NEUROD2: variants seen among roughly 807,000 people sequenced by gnomAD.
NEUROD2 encodes neurogenic differentiation factor 2.
In NEUROD2, 5 loss-of-function variants were observed where a neutral mutation model predicts 9.3. That is an observed-to-expected ratio of 0.54 (90% CI 0.28 to 1.13). The LOEUF (loss-of-function observed/expected upper bound fraction) is 1.13. Among genes scored for constraint, NEUROD2 ranks in the 50% most tolerant of loss-of-function variants. The pLI, the probability that NEUROD2 is intolerant of heterozygous loss-of-function variation, is 0.10. For missense variants in NEUROD2, 376 were observed against 549.2 expected, an observed-to-expected ratio of 0.68 and a Z score of 3.15; for synonymous variants, 277 against 257.3, an observed-to-expected ratio of 1.08 and a Z score of -0.73.
In NEUROD2 at chr17:39,604,488, G is replaced by T. The variant is rs1335711024; in HGVS notation, c.*963C>A. The T allele has an allele frequency of 6.6e-6, 1 of 151,908 alleles. No individual in the cohort carries two copies. The highest frequency in any genetic ancestry group is 6.6e-5 in the Admixed American group (1 of 15,252). 9.4% of individuals were successfully genotyped at this position (151,908 alleles called of 1,614,324 possible). On this transcript the variant is annotated 3_prime_UTR_variant, in exon 2 of 2. Transcript: ENST00000302584. ...AACCTGGGGAGGGGGAGGGGGCGGCGCGGGCCCCCACTTCACCAAAGTGCA... is the reference window on the plus strand; with the variant it reads ...AACCTGGGGAGGGGGAGGGGGCGGCTCGGGCCCCCACTTCACCAAAGTGCA...
rs1337257944 is a variant in NEUROD2 at position 39,604,015 on chromosome 17, C to T, written c.*1436G>A. ...CTCCTTTTGCCCCTTTTTGGGGGAACCTCCAGTAGGAGCCCTCAGACCTCT... is the reference window on the plus strand; with the variant it reads ...CTCCTTTTGCCCCTTTTTGGGGGAATCTCCAGTAGGAGCCCTCAGACCTCT... On this transcript the variant is annotated 3_prime_UTR_variant, in exon 2 of 2. Transcript: ENST00000302584. 2.6e-5 allele frequency: 4 copies of T among 152,696 alleles called. No individual in the cohort carries two copies. The highest frequency in any genetic ancestry group is 5.9e-5 in the Non-Finnish European group (4 of 68,030). The allele number at this position is 152,696 out of a possible 1,614,324, so 9.5% of individuals were successfully genotyped here.
rs776964598 is a variant in NEUROD2 at position 39,606,468 on chromosome 17, G to C, written c.132C>G (p.Pro44=). 3 of 1,533,310 alleles carry C rather than the reference G, an allele frequency of 2.0e-6. No homozygotes were observed. Among genetic ancestry groups the C allele is most frequent in the South Asian group, 1.2e-5 (1 of 83,458 alleles). 95.0% of individuals were successfully genotyped at this position (1,533,310 alleles called of 1,614,324 possible). ...GGGCTGGCCCCGGAGCCCCTGGCCC[G>C]GGCGCAGGCGGTGGCGGTGGCGGCG... is the stretch of plus-strand genomic sequence containing the variant. ...GDAPPPPPPA[P]GPGAPGPARA... Residue 44 remains proline, a synonymous_variant, in exon 2 of 2, where the codon CCC becomes CCG. Transcript: ENST00000302584. This position sits in a 1 kb window ranked among gnomAD's most constrained non-coding sequence, Gnocchi z 7.8.
In NEUROD2 at chr17:39,604,755, C is replaced by CATTT; in HGVS notation, c.*695_*696insAAAT. The CATTT allele has an allele frequency of 4.5e-5, 1 of 22,318 alleles. No homozygotes were observed. The highest frequency in any genetic ancestry group is 7.4e-5 in the Non-Finnish European group (1 of 13,476). The allele number at this position is 22,318 out of a possible 1,614,324, so 1.4% of individuals were successfully genotyped here. On this transcript the variant is annotated 3_prime_UTR_variant, in exon 2 of 2. Transcript: ENST00000302584. ...GCGTTCGGCTTCCGTCGCCTCTTAG[C>CATTT]TTTTTTTTTTTTTTTTTTTTTTTTT...
rs950012535 is a variant in NEUROD2, at chr17:39,605,278, G to A, written c.*173C>T. 1 of 815,030 alleles carries A rather than the reference G, an allele frequency of 1.2e-6. No homozygotes were observed. The highest frequency in any genetic ancestry group is 3.2e-5 in the Admixed American group (1 of 31,604). 50.5% of individuals were successfully genotyped at this position (815,030 alleles called of 1,614,324 possible). On this transcript the variant is annotated 3_prime_UTR_variant, in exon 2 of 2. Coordinates refer to ENST00000302584, the MANE Select transcript of NEUROD2 (RefSeq NM_006160.4). The surrounding 1 kb of genome is among the most constrained non-coding windows in gnomAD (Gnocchi z 6.8). ...TCCCCTGGGGGAAGCGAGGCCCCTG[G>A]GACAGGCCACCCACAGGTAACAGGA...
At position 39,606,333 on chromosome 17, in the gene NEUROD2, C is replaced by A; in HGVS notation, c.267G>T (p.Glu89Asp). 1 of 1,595,302 alleles carries A rather than the reference C, an allele frequency of 6.3e-7. No homozygotes were observed. ...LGGEEEEEEE[E>D]EEGLDEAEGE... ...CCTCCGCCTCGTCCAGTCCTTCTTC[C>A]TCCTCCTCTTCCTCCTCCTCCTCTC... The change falls in exon 2 of 2, where the codon GAG (glutamate) becomes GAT (aspartate). Residue 89 changes from glutamate to aspartate, a missense_variant. By Grantham distance (45) the Glu-to-Asp change is conservative. This residue lies in a region of NEUROD2 where 134 missense variants were observed against 133.6 expected (regional missense o/e 1.00). Transcript: ENST00000302584. This position sits in a 1 kb window ranked among gnomAD's most constrained non-coding sequence, Gnocchi z 7.8.
chr17:39,605,151 A>C lies in NEUROD2; in HGVS notation c.*300T>G. The C allele has an allele frequency of 8.8e-5, 24 of 271,542 alleles. No individual in the cohort carries two copies. Among genetic ancestry groups the C allele is most frequent in the East Asian group, 3.3e-4 (5 of 15,252 alleles). The allele number at this position is 271,542 out of a possible 1,614,324, so 16.8% of individuals were successfully genotyped here. ...GGAAACCTCAGCGAAGATATTGGGA[A>C]TGGGGGAGGGGTGCCTCCAGGGAGC... On this transcript the variant is annotated 3_prime_UTR_variant, in exon 2 of 2. Transcript: ENST00000302584. The surrounding 1 kb of genome is among the most constrained non-coding windows in gnomAD (Gnocchi z 6.8).
At position 39,604,251 on chromosome 17, in the gene NEUROD2, CG is replaced by C. The variant is rs1285076244; in HGVS notation, c.*1199del. On this transcript the variant is annotated 3_prime_UTR_variant, in exon 2 of 2. Coordinates refer to ENST00000302584, the MANE Select transcript of NEUROD2 (RefSeq NM_006160.4). The stretch of plus-strand genomic sequence containing the variant: ...GGCGAGCTCACCTCCTTCTGCCCCC[CG>C]GACGCCGGCGCCGGGCCTGCTTGTG... The C allele has an allele frequency of 6.5e-6, 1 of 152,696 alleles. No individual in the cohort carries two copies. Among genetic ancestry groups the C allele is most frequent in the Non-Finnish European group, 1.5e-5 (1 of 68,098 alleles). The allele number at this position is 152,696 out of a possible 1,614,324, so 9.5% of individuals were successfully genotyped here.
In NEUROD2 at chr17:39,604,944, TTC is replaced by T. The variant is rs1460764677; in HGVS notation, c.*505_*506del. The T allele has an allele frequency of 6.6e-6, 1 of 152,394 alleles. No homozygotes were observed. Among genetic ancestry groups the T allele is most frequent in the African/African-American group, 2.4e-5 (1 of 41,426 alleles). The allele number at this position is 152,394 out of a possible 1,614,324, so 9.4% of individuals were successfully genotyped here. A position where few individuals can be genotyped will look rare whatever the true frequency, so the allele number is the denominator to read the frequency against. ...AGACTGGAGGTTGGGGGTGAGGGCG[TTC>T]CAGGCCCGGGCTCCGGCGCCCTAAC... On this transcript the variant is annotated 3_prime_UTR_variant, in exon 2 of 2. Transcript: ENST00000302584.
Position 39,607,734 on chromosome 17 carries a change from G to A in NEUROD2, c.-12C>T, listed in dbSNP as rs2056775770. 1 of 456,480 alleles carries A rather than the reference G, an allele frequency of 2.2e-6. No individual in the cohort carries two copies. The highest frequency in any genetic ancestry group is 9.3e-5 in the South Asian group (1 of 10,718). The allele number at this position is 456,480 out of a possible 1,614,324, so 28.3% of individuals were successfully genotyped here. On this transcript the variant is annotated 5_prime_UTR_variant, in exon 1 of 2. Transcript: ENST00000302584. ...TCCCTTTCGGACAACTTACCTCGGA[G>A]AGGAGTCAAGGGGAGAGGGGAGGGG... is the stretch of plus-strand genomic sequence containing the variant.
Position 39,606,350 on chromosome 17 carries a change from C to T in NEUROD2, c.250G>A (p.Glu84Lys). The T allele has an allele frequency of 6.3e-7, 1 of 1,580,026 alleles. No homozygotes were observed. Among genetic ancestry groups the T allele is most frequent in the Non-Finnish European group, 8.6e-7 (1 of 1,165,862 alleles). The change falls in exon 2 of 2, where the codon GAG (glutamate) becomes AAG (lysine). Residue 84 changes from glutamate to lysine, a missense_variant. Coordinates refer to ENST00000302584, the MANE Select transcript of NEUROD2 (RefSeq NM_006160.4). The surrounding 1 kb of genome is among the most constrained non-coding windows in gnomAD (Gnocchi z 7.8). Reference sequence around the variant, plus strand: ...CCTTCTTCCTCCTCCTCTTCCTCCTCCTCCTCTCCCCCCAGCTCGCCTTCC... The same window carrying T: ...CCTTCTTCCTCCTCCTCTTCCTCCTTCTCCTCTCCCCCCAGCTCGCCTTCC... ...KEEGELGGEE[E>K]EEEEEEEGLD...
chr17:39,605,920 A>C lies in NEUROD2; in HGVS notation c.680T>G (p.Phe227Cys). Residue 227 changes from phenylalanine (F) to cysteine (C), a missense_variant, in exon 2 of 2, where the codon TTC (phenylalanine) becomes TGC (cysteine). Transcript: ENST00000302584. The surrounding 1 kb of genome is among the most constrained non-coding windows in gnomAD (Gnocchi z 6.8). The part of the protein sequence containing the change: ...TEQGADGAGR[F>C]HGSGGPFAMH... ...GGCGAACGGGCCGCCCGAGCCGTGG[A>C]AGCGGCCGGCACCGTCGGCGCCTTG... The C allele has an allele frequency of 6.2e-7, 1 of 1,609,704 alleles. No homozygotes were observed. Among genetic ancestry groups the C allele is most frequent in the Non-Finnish European group, 8.5e-7 (1 of 1,178,712 alleles).
chr17:39,605,840 C>T lies in NEUROD2; in HGVS notation c.760G>A (p.Ala254Thr). Reference sequence around the variant, plus strand: ...GCCGCGCCGCCGCCCAGGCCGCCGGCCGCCTGGCACTGTGCGCCCGCCAGG... The same window carrying T: ...GCCGCGCCGCCGCCCAGGCCGCCGGTCGCCTGGCACTGTGCGCCCGCCAGG... The part of the protein sequence containing the change: ...SRLAGAQCQA[A>T]GGLGGGAAHA... Residue 254 changes from alanine to threonine, a missense_variant, in exon 2 of 2, where the codon GCC becomes ACC. By Grantham distance (58) the Ala-to-Thr change is moderately conservative. This residue lies in a region of NEUROD2 where 193 missense variants were observed against 255.8 expected (regional missense o/e 0.75). Coordinates refer to ENST00000302584, the MANE Select transcript of NEUROD2 (RefSeq NM_006160.4). This position sits in a 1 kb window ranked among gnomAD's most constrained non-coding sequence, Gnocchi z 6.8. 1 of 1,365,766 alleles carries T rather than the reference C, an allele frequency of 7.3e-7. No individual in the cohort carries two copies. Among genetic ancestry groups the T allele is most frequent in the Non-Finnish European group, 9.4e-7 (1 of 1,065,522 alleles). The allele number at this position is 1,365,766 out of a possible 1,614,324, so 84.6% of individuals were successfully genotyped here. A position where few individuals can be genotyped will look rare whatever the true frequency, so the allele number is the denominator to read the frequency against.
rs764343782 is a variant in NEUROD2, at chr17:39,605,760, C to A, written c.840G>T (p.Ala280=). 28 of 1,483,398 alleles carry A rather than the reference C, an allele frequency of 1.9e-5. No homozygotes were observed. Among genetic ancestry groups the A allele is most frequent in the Non-Finnish European group, 2.5e-5 (28 of 1,117,992 alleles). 91.9% of individuals were successfully genotyped at this position (1,483,398 alleles called of 1,614,324 possible). A position where few individuals can be genotyped will look rare whatever the true frequency, so the allele number is the denominator to read the frequency against. ...CCGGGCTCGCGCCGCCACCGCCTGC[C>A]GCCGCATACAGCGTCTCGTAGGCGG... ...YCAAYETLYA[A]AGGGGASPDY... The change falls in exon 2 of 2, where the codon GCG becomes GCT. Residue 280 remains alanine (A), a synonymous_variant. Coordinates refer to ENST00000302584, the MANE Select transcript of NEUROD2 (RefSeq NM_006160.4). This position sits in a 1 kb window ranked among gnomAD's most constrained non-coding sequence, Gnocchi z 6.8.
chr17:39,606,695 A>C lies in NEUROD2; in HGVS notation c.-5-91T>G, dbSNP rs1408822962. The C allele has an allele frequency of 3.9e-6, 5 of 1,289,810 alleles. No homozygotes were observed. Among genetic ancestry groups the C allele is most frequent in the Non-Finnish European group, 4.1e-6 (4 of 982,586 alleles). The allele number at this position is 1,289,810 out of a possible 1,614,324, so 79.9% of individuals were successfully genotyped here. On this transcript the variant is annotated intron_variant, in intron 1 of 1. Transcript: ENST00000302584. This position sits in a 1 kb window ranked among gnomAD's most constrained non-coding sequence, Gnocchi z 7.8. ...CGACGCCCCCCCACAACCCTCCTCCACCCCCGAGTCTCGTGCGGGCTCCTG... is the reference window on the plus strand; with the variant it reads ...CGACGCCCCCCCACAACCCTCCTCCCCCCCCGAGTCTCGTGCGGGCTCCTG...
rs959009397 is a variant in NEUROD2, at chr17:39,604,553, G to A, written c.*898C>T. 2 of 151,910 alleles carry A rather than the reference G, an allele frequency of 1.3e-5. No individual in the cohort carries two copies. Among genetic ancestry groups the A allele is most frequent in the Non-Finnish European group, 2.9e-5 (2 of 67,918 alleles). 9.4% of individuals were successfully genotyped at this position (151,910 alleles called of 1,614,324 possible). On this transcript the variant is annotated 3_prime_UTR_variant, in exon 2 of 2. Coordinates refer to ENST00000302584, the MANE Select transcript of NEUROD2 (RefSeq NM_006160.4). ...GGCGGGGCGGCCCGCAGGCCGGGCGGGGCATCCCGGGGCCGGGCCGGGCCG... is the reference window on the plus strand; with the variant it reads ...GGCGGGGCGGCCCGCAGGCCGGGCGAGGCATCCCGGGGCCGGGCCGGGCCG...
In NEUROD2 at chr17:39,605,862, C is replaced by G; in HGVS notation, c.738G>C (p.Leu246=). 6.6e-7 allele frequency: 1 copy of G among 1,523,518 alleles called. No individual in the cohort carries two copies. The highest frequency in any genetic ancestry group is 8.8e-7 in the Non-Finnish European group (1 of 1,140,998). 94.4% of individuals were successfully genotyped at this position (1,523,518 alleles called of 1,614,324 possible). The change falls in exon 2 of 2, where the codon CTG becomes CTC. Residue 246 remains leucine (L), a synonymous_variant. Transcript: ENST00000302584. The surrounding 1 kb of genome is among the most constrained non-coding windows in gnomAD (Gnocchi z 6.8). ...CGGCCGCCTGGCACTGTGCGCCCGC[C>G]AGGCGCGAGCACGGGTACGGGTAGG... ...MHPYPYPCSR[L]AGAQCQAAGG...
At position 39,606,498 on chromosome 17, in the gene NEUROD2, G is replaced by A. The variant is rs1483406536; in HGVS notation, c.102C>T (p.Gly34=). Residue 34 remains glycine, a synonymous_variant, in exon 2 of 2, where the codon GGC becomes GGT. Transcript: ENST00000302584. The surrounding 1 kb of genome is among the most constrained non-coding windows in gnomAD (Gnocchi z 7.8). The part of the protein sequence containing the change: ...GEDDEPRSDK[G]DAPPPPPPAP... ...CAGGCGGTGGCGGTGGCGGCGCGTCGCCCTTGTCGCTCCTCGGCTCGTCGT... is the reference window on the plus strand; with the variant it reads ...CAGGCGGTGGCGGTGGCGGCGCGTCACCCTTGTCGCTCCTCGGCTCGTCGT... 2.6e-6 allele frequency: 4 copies of A among 1,548,626 alleles called. No homozygotes were observed. In the African/African-American group the frequency reaches 5.5e-5, roughly 21 times the overall value.
Position 39,605,334 on chromosome 17 carries a change from G to C in NEUROD2, c.*117C>G. ...CTGCCCCAGGAGAGCGGCAGGACCG[G>C]TGGCCCGCTCCCCGCGCCCGGCGCC... On this transcript the variant is annotated 3_prime_UTR_variant, in exon 2 of 2. Transcript: ENST00000302584. The surrounding 1 kb of genome is among the most constrained non-coding windows in gnomAD (Gnocchi z 6.8). 7.4e-7 allele frequency: 1 copy of C among 1,350,160 alleles called. No homozygotes were observed. Among genetic ancestry groups the C allele is most frequent in the Non-Finnish European group, 9.8e-7 (1 of 1,016,702 alleles). 83.6% of individuals were successfully genotyped at this position (1,350,160 alleles called of 1,614,324 possible).
At position 39,604,226 on chromosome 17, in the gene NEUROD2, G is replaced by C. The variant is rs147160288; in HGVS notation, c.*1225C>G. The stretch of plus-strand genomic sequence containing the variant: ...AGAATGGCCGCGGGGAGGAGGAGCC[G>C]GCGAGCTCACCTCCTTCTGCCCCCC... On this transcript the variant is annotated 3_prime_UTR_variant, in exon 2 of 2. Transcript: ENST00000302584. 2 of 152,730 alleles carry C rather than the reference G, an allele frequency of 1.3e-5. No homozygotes were observed. The highest frequency in any genetic ancestry group is 2.9e-5 in the Non-Finnish European group (2 of 68,070). 9.5% of individuals were successfully genotyped at this position (152,730 alleles called of 1,614,324 possible).
Sources: gnomAD v4.1 joint callset for allele counts on GRCh38, gnomAD v4.1.1 for gene constraint, gnomAD v4.1.1 regional missense constraint, Gnocchi (gnomAD v3.1) non-coding constraint, MANE v1.5 for transcripts, NCBI Gene and HGNC (gene_info 2026-07-23, HGNC 2026-07-21) for gene names.